GPM6B: variants seen among roughly 807,000 people sequenced by gnomAD.
GPM6B encodes glycoprotein M6B.
Under a neutral mutation model 27.2 loss-of-function variants are expected in GPM6B, and 4 were observed. The ratio of observed to expected loss-of-function variants is 0.15; its 90% CI spans 0.07 to 0.34. The LOEUF (loss-of-function observed/expected upper bound fraction) is 0.34, where lower values mean the gene tolerates loss of function less well. GPM6B is among the 10% of genes least tolerant of loss of function. The pLI is 1.00. For missense variants in GPM6B, 183 were observed against 261.9 expected (o/e 0.70, Z 2.08); for synonymous variants, 124 against 103.1 (o/e 1.20, Z -1.23).
rs1360307394 is a variant in GPM6B, at chrX:13,771,063, TGAATA to T, written c.*1813_*1817del. Reference sequence around the variant, plus strand: ...ATCTACAAATATTTATTGTAACACTTGAATAGAACTACAGGAAGCCCTTGGCACTG... The same window carrying T: ...ATCTACAAATATTTATTGTAACACTTGAACTACAGGAAGCCCTTGGCACTG... On this transcript the variant is annotated 3_prime_UTR_variant, in exon 8 of 8. Coordinates refer to ENST00000316715, the MANE Select transcript of GPM6B (RefSeq NM_001001995.3). 6 of 112,534 alleles carry T rather than the reference TGAATA, an allele frequency of 5.3e-5. No individual in the cohort carries two copies. The highest frequency in any genetic ancestry group is 9.4e-5 in the Non-Finnish European group (5 of 53,170). The allele number at this position is 112,534 out of a possible 1,213,427, so 9.3% of individuals were successfully genotyped here.
At chrX:13,841,804 C>T (rs1004472374) in intron 1 of GPM6B, among the ~76,000 whole-genome samples, 5 of 111,678 alleles carry the variant, frequency 4.5e-5, no homozygotes, top group Admixed American at 9.5e-5. Context: ...TGGCTATCAC[C>T]GACCTTCATG....
chrX:13,777,625 T>TTA (rs1446614191), intron 5 of GPM6B, among the ~76,000 whole-genome samples, 200 bp from the exon 6 acceptor site: 1 of 112,605 alleles, frequency 8.9e-6, no homozygotes, highest in Non-Finnish European at 1.9e-5. Flanking sequence ...CAAAGCCAAC[T>TTA]AGTCCATAAG....
chrX:13,791,279 C>T (rs1400594150), intron 2 of GPM6B, among the ~76,000 whole-genome samples: 2 of 109,780 alleles, frequency 1.8e-5, no homozygotes, highest in Non-Finnish European at 3.8e-5. Flanking sequence ...GTGTGATCTC[C>T]GCTCACTGCA....
At chrX:13,885,554 T>C (rs1396319928) in intron 1 of GPM6B, among the ~76,000 whole-genome samples, 2 of 112,126 alleles carry the variant, frequency 1.8e-5, no homozygotes, top group Non-Finnish European at 3.8e-5. Flanking sequence ...CTCCATCCTA[T>C]ACCCTGCTAC....
intron 5 of GPM6B, among the ~76,000 whole-genome samples, chrX:13,779,152 C>T (rs918898660): frequency 9.0e-6 from 1 of 111,626 alleles, no homozygotes; most frequent in African/African-American, 3.3e-5. Context: ...TACTCAGCAG[C>T]GAAGTCAAGT....
intron 1 of GPM6B, among the ~76,000 whole-genome samples, chrX:13,886,441 C>T (rs918202332): frequency 2.7e-5 from 3 of 109,760 alleles, no homozygotes; most frequent in African/African-American, 1.0e-4. Flanking sequence ...AAAACGCTTC[C>T]ACACAAAGGC....
intron 1 of GPM6B, among the ~76,000 whole-genome samples, chrX:13,832,148 T>G (rs1340092806): frequency 9.0e-6 from 1 of 111,276 alleles, no homozygotes; most frequent in African/African-American, 3.3e-5. Context: ...ACTGGCAGGG[T>G]GGATTCAGGT....
intron 1 of GPM6B, among the ~76,000 whole-genome samples, chrX:13,845,037 T>C (rs1445258711): frequency 9.4e-6 from 1 of 106,838 alleles, no homozygotes; most frequent in Non-Finnish European, 1.9e-5. Context: ...TTGCCCAGGC[T>C]GGAGTGCAGT....
intron 2 of GPM6B, among the ~76,000 whole-genome samples, chrX:13,793,171 T>TA (rs1467074577): frequency 1.8e-5 from 2 of 111,230 alleles, no homozygotes; most frequent in African/African-American, 6.5e-5. Flanking sequence ...AGGCTTCACC[T>TA]ACAGGATAAA....
chrX:13,817,743 T>C (rs1035139483), upstream of GPM6B, among the ~76,000 whole-genome samples: 3 of 112,173 alleles, frequency 2.7e-5, no homozygotes, highest in Non-Finnish European at 5.6e-5. Flanking sequence ...GATTTAACGA[T>C]AGCAATGTAG....
chrX:13,884,894 G>T (rs2050119954), intron 1 of GPM6B, among the ~76,000 whole-genome samples: 1 of 112,044 alleles, frequency 8.9e-6, no homozygotes, highest in Admixed American at 9.4e-5. Context: ...ATTGAGAGAA[G>T]GTCCTATGTA....
chrX:13,785,709 C>T lies in GPM6B; in HGVS notation c.281G>A (p.Cys94Tyr). The T allele has an allele frequency of 8.3e-7, 1 of 1,211,890 alleles. No homozygotes were observed. Among genetic ancestry groups the T allele is most frequent in the Non-Finnish European group, 1.1e-6 (1 of 895,337 alleles). ...CFSGVALFCGCGHVALAGTVA... is the reference protein window; with the variant it reads ...CFSGVALFCGYGHVALAGTVA... ...GGTGCCTGCGAGAGCCACATGCCCA[C>T]AGCCGCAGAATAAGGCCACCCCGGA... The change falls in exon 3 of 8, where the codon TGT becomes TAT. Residue 94 changes from cysteine (C) to tyrosine (Y), a missense_variant. By Grantham distance (194) the Cys-to-Tyr change is radical. Coordinates refer to ENST00000316715, the MANE Select transcript of GPM6B (RefSeq NM_001001995.3).
intron 1 of GPM6B, among the ~76,000 whole-genome samples, chrX:13,884,665 G>A (rs1001191001): frequency 5.3e-5 from 6 of 112,289 alleles, no homozygotes; most frequent in African/African-American, 1.6e-4. Context: ...GAACCATGGC[G>A]TAAGAAGAAA....
intron 1 of GPM6B, among the ~76,000 whole-genome samples, chrX:13,908,228 T>C (rs2050347137): frequency 2.7e-5 from 3 of 111,211 alleles, no homozygotes; most frequent in African/African-American, 6.5e-5. Flanking sequence ...TTAAAAAAAA[T>C]TGATCAAAAC....
At chrX:13,854,465 C>T in intron 1 of GPM6B, among the ~76,000 whole-genome samples, 1 of 111,793 alleles carries the variant, frequency 8.9e-6, no homozygotes, top group Non-Finnish European at 1.9e-5. Context: ...GAAGGTTTCT[C>T]TCCACAGCAA....
chrX:13,804,005 T>C lies in GPM6B; in HGVS notation c.181+3645A>G, dbSNP rs187550397. 1.0e-3 allele frequency among the ~76,000 whole-genome samples: 114 copies of C among 112,110 alleles called. 3 individuals carry two copies. Among genetic ancestry groups the C allele is most frequent in the Non-Finnish European group, 3.9e-4 (21 of 53,174 alleles). ...ATTTCTAGATCTCTTGAGGGTAAATTCACATAATCAATTCCTTCCTGTCTT... is the reference window on the plus strand; with the variant it reads ...ATTTCTAGATCTCTTGAGGGTAAATCCACATAATCAATTCCTTCCTGTCTT... On this transcript the variant is annotated intron_variant, in intron 2 of 7. Transcript: ENST00000316715.
intron 2 of GPM6B, among the ~76,000 whole-genome samples, chrX:13,795,742 CTTTTT>C (rs146240939): frequency 1.2e-5 from 1 of 82,798 alleles, no homozygotes; most frequent in Non-Finnish European, 2.3e-5. Context: ...AATTTCTTTT[CTTTTT>C]TTTTTTTTTT....
At chrX:13,877,824 C>CAAAAAAAAAAAAAAAAAAAAAAAAAAAA (rs761891419) in intron 1 of GPM6B, among the ~76,000 whole-genome samples, 11 of 27,466 alleles carry the variant, frequency 4.0e-4, no homozygotes, top group Admixed American at 1.6e-3. Context: ...CAGACTCTGC[C>CAAAAAAAAAAAAAAAAAAAAAAAAAAAA]AAAAAAAAAA....
At chrX:13,778,313 G>A (rs2048453411) in intron 5 of GPM6B, among the ~76,000 whole-genome samples, 1 of 111,951 alleles carries the variant, frequency 8.9e-6, no homozygotes, top group African/African-American at 3.3e-5. Flanking sequence ...CTCCCAAAGT[G>A]CTGGGATTAC....
Sources: allele counts gnomAD v4.1 joint callset (sites outside exome capture counted in the v4.1 genomes callset), GRCh38; gene constraint gnomAD v4.1.1; transcripts MANE v1.5; gene names NCBI Gene and HGNC (gene_info 2026-07-23, HGNC 2026-07-21).